CLDN16: variants seen among roughly 807,000 people sequenced by gnomAD.
CLDN16 encodes claudin-16.
In CLDN16, 13 loss-of-function variants were observed where a neutral mutation model predicts 24.6. The ratio of observed to expected loss-of-function variants is 0.53; its 90% CI spans 0.34 to 0.84. CLDN16 has a LOEUF of 0.84. CLDN16 is among the 40% of genes least tolerant of loss of function. The pLI, the probability that CLDN16 is intolerant of heterozygous loss-of-function variation, is 0.01. For missense variants in CLDN16, 298 were observed against 292.7 expected (o/e 1.02, Z -0.13); for synonymous variants, 116 against 106.7 (o/e 1.09, Z -0.54).
At chr3:190,344,226 T>G (rs1279135198) in intron 1 of CLDN16, among the ~76,000 whole-genome samples, 1 of 152,082 alleles carries the variant, frequency 6.6e-6, no homozygotes, top group East Asian at 1.9e-4. Context: ...AATAACACCT[T>G]CAGAGAAATT....
the CLDN16 span, among the ~76,000 whole-genome samples, chr3:190,295,709 C>T: frequency 6.6e-6 from 1 of 152,092 alleles, no homozygotes; most frequent in Non-Finnish European, 1.5e-5. Flanking sequence ...TTTTACAGGC[C>T]TCAATCTAAC....
At chr3:190,312,013 T>A in the CLDN16 span, among the ~76,000 whole-genome samples, 1 of 151,628 alleles carries the variant, frequency 6.6e-6, no homozygotes, top group East Asian at 1.9e-4. Context: ...AGTGGTGCGA[T>A]CTCGGCTCCC....
chr3:190,366,460 C>T (rs1312496647), intron 1 of CLDN16, among the ~76,000 whole-genome samples: 6 of 151,890 alleles, frequency 4.0e-5, no homozygotes, highest in South Asian at 2.1e-4. Flanking sequence ...ATCTTAGGCC[C>T]ACTCCTGATA....
At chr3:190,377,734 C>T (rs918274627) in intron 3 of CLDN16, among the ~76,000 whole-genome samples, 10 of 151,904 alleles carry the variant, frequency 6.6e-5, no homozygotes, top group African/African-American at 2.2e-4. Flanking sequence ...GTAAATTCTG[C>T]GAGTGATAAG....
At chr3:190,314,816 T>G in the CLDN16 span, among the ~76,000 whole-genome samples, 1 of 152,204 alleles carries the variant, frequency 6.6e-6, no homozygotes, top group Admixed American at 6.5e-5. Flanking sequence ...AGAGACTTCC[T>G]GATTCCCCTC....
At chr3:190,307,624 C>T in the CLDN16 span, 2 of 152,108 alleles carry the variant, frequency 1.3e-5, no homozygotes, top group South Asian at 4.2e-4. Context: ...GAGATAGAGA[C>T]CAATGAAACA....
At chr3:190,298,974 A>G in the CLDN16 span, among the ~76,000 whole-genome samples, 2 of 152,188 alleles carry the variant, frequency 1.3e-5, no homozygotes, top group Non-Finnish European at 2.9e-5. Flanking sequence ...ATGCTTATTA[A>G]TGCATTTTAA....
rs904007166 is a variant in CLDN16 at position 190,411,898 on chromosome 3, C to A, written c.*1862C>A. ...TGTTCCTCTCAATATTTGTTTTTAACATTTATTCCCATTTTTATTTTATAC... is the reference window on the plus strand; with the variant it reads ...TGTTCCTCTCAATATTTGTTTTTAAAATTTATTCCCATTTTTATTTTATAC... On this transcript the variant is annotated 3_prime_UTR_variant, in exon 5 of 5. Transcript: ENST00000264734. 2.0e-5 allele frequency: 3 copies of A among 152,056 alleles called. No homozygotes were observed. Among genetic ancestry groups the A allele is most frequent in the Admixed American group, 1.3e-4 (2 of 15,270 alleles). The allele number at this position is 152,056 out of a possible 1,614,324, so 9.4% of individuals were successfully genotyped here. A position where few individuals can be genotyped will look rare whatever the true frequency, so the allele number is the denominator to read the frequency against.
intron 1 of CLDN16, among the ~76,000 whole-genome samples, chr3:190,347,812 A>G (rs1197336909): frequency 1.3e-5 from 2 of 152,112 alleles, no homozygotes; most frequent in African/African-American, 4.8e-5. Flanking sequence ...CCTGCATGAT[A>G]TGAGGTGATT....
intron 1 of CLDN16, among the ~76,000 whole-genome samples, chr3:190,326,858 A>T (rs1245793532): frequency 6.6e-6 from 1 of 152,186 alleles, no homozygotes; most frequent in Admixed American, 6.5e-5. Flanking sequence ...TGTTCCTTTT[A>T]TCCTTTCACT....
intron 3 of CLDN16, among the ~76,000 whole-genome samples, chr3:190,407,280 C>T (rs894309767): frequency 6.6e-6 from 1 of 151,992 alleles, no homozygotes; most frequent in African/African-American, 2.4e-5. Context: ...TAACTTAGCA[C>T]AGAGTAGCAG....
intron 1 of CLDN16, among the ~76,000 whole-genome samples, chr3:190,323,121 A>G (rs757169976): frequency 3.3e-5 from 5 of 151,868 alleles, no homozygotes; most frequent in African/African-American, 4.8e-5. Context: ...ATCCCCTTTG[A>G]TCTATGATTG....
chr3:190,309,373 T>C, the CLDN16 span, among the ~76,000 whole-genome samples: 1 of 152,220 alleles, frequency 6.6e-6, no homozygotes, highest in African/African-American at 2.4e-5. Flanking sequence ...CATTGCAGTA[T>C]GTGTTCTCCC....
chr3:190,333,531 CATCTATCTATCTATCTATCTATCT>C (rs71947568), intron 1 of CLDN16, among the ~76,000 whole-genome samples: 4 of 143,564 alleles, frequency 2.8e-5, no homozygotes, highest in African/African-American at 1.0e-4. Flanking sequence ...ATCAGTCTAT[CATCTATCTATCTATCTATCTATCT>C]ATCTATCTAT....
chr3:190,367,087 A>G (rs1228872955), intron 1 of CLDN16, among the ~76,000 whole-genome samples: 1 of 151,938 alleles, frequency 6.6e-6, no homozygotes, highest in South Asian at 2.1e-4. Context: ...TTTTATCTTT[A>G]GTCGACACTG....
At chr3:190,298,679 C>T in the CLDN16 span, among the ~76,000 whole-genome samples, 1 of 152,020 alleles carries the variant, frequency 6.6e-6, no homozygotes, top group Admixed American at 6.6e-5. Flanking sequence ...CTCAGGTGAT[C>T]CGCGCGCCTT....
chr3:190,307,154 G>C, the CLDN16 span: 1 of 152,604 alleles, frequency 6.6e-6, no homozygotes, highest in Non-Finnish European at 1.5e-5. Flanking sequence ...GAAAAAAGAG[G>C]TAGAAAGATT....
intron 1 of CLDN16, among the ~76,000 whole-genome samples, chr3:190,357,884 G>A (rs904394468): frequency 2.6e-5 from 4 of 151,820 alleles, no homozygotes; most frequent in East Asian, 1.9e-4. Flanking sequence ...CTTGTTACAC[G>A]TTAATTTATA....
At chr3:190,404,357 G>T (rs1014303857) in intron 2 of CLDN16, among the ~76,000 whole-genome samples, 4 of 152,148 alleles carry the variant, frequency 2.6e-5, no homozygotes, top group African/African-American at 9.6e-5. Flanking sequence ...AAATTAAAGT[G>T]ATTATTTATT....
Sources: allele counts gnomAD v4.1 joint callset (sites outside exome capture counted in the v4.1 genomes callset), GRCh38; gene constraint gnomAD v4.1.1; transcripts MANE v1.5; gene names NCBI Gene and HGNC (gene_info 2026-07-23, HGNC 2026-07-21).